Variants in RALYL observed in about 807,000 individuals in gnomAD.
RALYL encodes the protein RALY RNA binding protein like.
In RALYL, 29 loss-of-function variants were observed where a neutral mutation model predicts 35.1. The observed-to-expected ratio is 0.83, with a 90% CI of 0.61 to 1.13. The LOEUF (loss-of-function observed/expected upper bound fraction) is 1.13. RALYL is among the 50% of genes most tolerant of loss of function. The pLI is 0.00. For missense variants in RALYL, 359 were observed against 360.4 expected (o/e 1.00, Z 0.03); for synonymous variants, 120 against 127.6 (o/e 0.94, Z 0.40).
chr8:84,736,873 A>G (rs551794329), intron 2 of RALYL, among the ~76,000 whole-genome samples: 72 of 152,202 alleles, frequency 4.7e-4, no homozygotes, highest in South Asian at 1.4e-3. Flanking sequence ...TATTCCTAGT[A>G]TGAAAACACC....
chr8:84,672,028 T>C (rs775637190), intron 2 of RALYL, among the ~76,000 whole-genome samples: 124 of 152,188 alleles, frequency 8.1e-4, no homozygotes, highest in Non-Finnish European at 1.4e-3. Flanking sequence ...CCAAACCATA[T>C]CTTTGTGAAT....
chr8:84,789,245 T>C (rs1302284549), intron 3 of RALYL, among the ~76,000 whole-genome samples: 1 of 152,122 alleles, frequency 6.6e-6, no homozygotes. Flanking sequence ...CACCAACCAA[T>C]AGCTGAGTTT....
intron 1 of RALYL, among the ~76,000 whole-genome samples, chr8:84,359,880 G>T (rs903188738): frequency 1.5e-4 from 22 of 143,504 alleles, no homozygotes; most frequent in Non-Finnish European, 2.1e-4. Context: ...AAAATATCAT[G>T]TTTTTTTTTT....
chr8:84,496,928 C>A lies in RALYL; in HGVS notation c.-23-32371C>A, dbSNP rs2056097821. 2.6e-5 allele frequency among the ~76,000 whole-genome samples: 4 copies of A among 152,142 alleles called. No individual in the cohort carries two copies. In the South Asian group the frequency reaches 8.3e-4, roughly 31 times the overall value. Reference sequence around the variant, plus strand: ...CAGAAATGCAAGAAAACAGAAATATCTCCCTCTTGTTTGATTGGAATTTCT... The same window carrying A: ...CAGAAATGCAAGAAAACAGAAATATATCCCTCTTGTTTGATTGGAATTTCT... On this transcript the variant is annotated intron_variant, in intron 1 of 8. Coordinates refer to ENST00000521268, the MANE Select transcript of RALYL (RefSeq NM_173848.7).
rs75306640 is a variant in RALYL at position 84,359,880 on chromosome 8, G to GTT, written c.-23-169406_-23-169405dup. Among the ~76,000 whole-genome samples the GTT allele has an allele frequency of 1.5e-3, 213 of 143,438 alleles. 1 individual carries two copies. The highest frequency in any genetic ancestry group is 1.6e-3 in the African/African-American group (63 of 38,842). The allele number at this position is 143,438 out of a possible 152,430, so 94.1% of individuals were successfully genotyped here. ...AATGAAATACAATTAAAAATATCAT[G>GTT]TTTTTTTTTTTTTTCTTTTAACTTT... On this transcript the variant is annotated intron_variant, in intron 1 of 8. Coordinates refer to ENST00000521268, the MANE Select transcript of RALYL (RefSeq NM_173848.7).
intron 1 of RALYL, among the ~76,000 whole-genome samples, chr8:84,331,726 C>T (rs1478889522): frequency 1.3e-5 from 2 of 152,084 alleles, no homozygotes; most frequent in Non-Finnish European, 2.9e-5. Flanking sequence ...TAAAGCAGGT[C>T]AGTATATAAT....
intron 1 of RALYL, among the ~76,000 whole-genome samples, chr8:84,469,605 C>G (rs1243341948): frequency 6.6e-6 from 1 of 152,152 alleles, no homozygotes; most frequent in Non-Finnish European, 1.5e-5. Flanking sequence ...TGTTTGTGCC[C>G]TGCCCCCAGA....
chr8:84,568,242 T>C (rs1225044501), intron 2 of RALYL, among the ~76,000 whole-genome samples: 4 of 130,380 alleles, frequency 3.1e-5, no homozygotes, highest in African/African-American at 1.2e-4. Flanking sequence ...ATGTTCCCCT[T>C]CCTGTGTCCA....
chr8:84,440,873 A>G (rs2048259358), intron 1 of RALYL, among the ~76,000 whole-genome samples: 1 of 152,012 alleles, frequency 6.6e-6, no homozygotes, highest in South Asian at 2.1e-4. Context: ...ATTTAACTTG[A>G]TTTAATCTCT....
At chr8:84,425,082 T>G (rs2046203787) in intron 1 of RALYL, among the ~76,000 whole-genome samples, 1 of 152,332 alleles carries the variant, frequency 6.6e-6, no homozygotes, top group East Asian at 1.9e-4. Context: ...CTCCACCCAG[T>G]TCGAGCTTCC....
chr8:84,509,752 A>C (rs2057457228), intron 1 of RALYL, among the ~76,000 whole-genome samples: 1 of 152,182 alleles, frequency 6.6e-6, no homozygotes, highest in African/African-American at 2.4e-5. Context: ...CAGTTATTCC[A>C]GAACCATTTA....
chr8:84,460,749 T>G (rs2050675474), intron 1 of RALYL, among the ~76,000 whole-genome samples: 1 of 151,726 alleles, frequency 6.6e-6, no homozygotes, highest in Admixed American at 6.6e-5. Context: ...TCATTGTATA[T>G]TTTTTCATAC....
chr8:84,341,833 A>G (rs898637634), intron 1 of RALYL, among the ~76,000 whole-genome samples: 2 of 151,968 alleles, frequency 1.3e-5, no homozygotes, highest in African/African-American at 4.8e-5. Flanking sequence ...TCAAGTCACT[A>G]TTCCAAAGTA....
chr8:84,336,752 A>C (rs553296814), intron 1 of RALYL, among the ~76,000 whole-genome samples: 95 of 152,162 alleles, frequency 6.2e-4, no homozygotes, highest in African/African-American at 2.2e-3. Flanking sequence ...GTTTATACAG[A>C]GCCACAACCA....
At chr8:84,244,036 A>AT (rs980191844) in intron 1 of RALYL, among the ~76,000 whole-genome samples, 2 of 151,784 alleles carry the variant, frequency 1.3e-5, no homozygotes, top group African/African-American at 4.8e-5. Flanking sequence ...TTAGTAAATT[A>AT]TTTTTTTTCT....
chr8:84,863,823 A>G (rs902694454), intron 6 of RALYL, among the ~76,000 whole-genome samples: 2 of 152,198 alleles, frequency 1.3e-5, no homozygotes, highest in African/African-American at 4.8e-5. Flanking sequence ...ATGGATTTCT[A>G]TGTAATTATG....
chr8:84,349,294 G>T (rs1421880117), intron 1 of RALYL, among the ~76,000 whole-genome samples: 1 of 150,346 alleles, frequency 6.7e-6, no homozygotes, highest in Non-Finnish European at 1.5e-5. Flanking sequence ...TCAGAAAAAT[G>T]CTATTGCACC....
chr8:84,254,101 A>T (rs1830769599), intron 1 of RALYL, among the ~76,000 whole-genome samples: 1 of 152,192 alleles, frequency 6.6e-6, no homozygotes, highest in East Asian at 1.9e-4. Context: ...TGTCCACTTT[A>T]TAAGCAACCA....
chr8:84,737,402 A>T (rs769862385), intron 2 of RALYL, among the ~76,000 whole-genome samples: 2 of 151,824 alleles, frequency 1.3e-5, no homozygotes, highest in African/African-American at 4.8e-5. Context: ...TTTAATGGAG[A>T]TATTTTAGAT....
Sources: gnomAD v4.1 joint callset for allele counts (sites outside exome capture counted in the v4.1 genomes callset) on GRCh38, gnomAD v4.1.1 for gene constraint, MANE v1.5 for transcripts, NCBI Gene and HGNC (gene_info 2026-07-23, HGNC 2026-07-21) for gene names.